Variants in EVC2 observed in about 807,000 individuals in gnomAD.
The protein encoded by EVC2 is EvC ciliary complex subunit 2.
Under a neutral mutation model 149.3 loss-of-function variants are expected in EVC2, and 148 were observed. The ratio of observed to expected loss-of-function variants is 0.99; its 90% confidence interval spans 0.87 to 1.14. The LOEUF is 1.14. EVC2 is among the 50% of genes most tolerant of loss of function. The pLI is 0.00. For missense variants in EVC2, 1,854 were observed against 1,627.3 expected, an observed-to-expected ratio of 1.14 and a Z score of -2.40; for synonymous variants, 776 against 649.9, an observed-to-expected ratio of 1.19 and a Z score of -2.95.
At position 5,666,281 on chromosome 4, in the gene EVC2, T is replaced by C. The variant is rs188806745; in HGVS notation, c.871-632A>G. ...ATCCTGATTATTGTTTATAGGTTAA[T>C]CCCAGCAACTACAAATTTTAAAAGA... is the stretch of plus-strand genomic sequence containing the variant. On this transcript the variant is annotated intron_variant, in intron 7 of 21. Coordinates refer to ENST00000344408, the MANE Select transcript of EVC2 (RefSeq NM_147127.5). Among the ~76,000 whole-genome samples the C allele has an allele frequency of 5.3e-4, 81 of 151,960 alleles. 2 individuals carry two copies. Among genetic ancestry groups the C allele is most frequent in the Admixed American group, 1.9e-3 (29 of 15,258 alleles).
intron 9 of EVC2, among the ~76,000 whole-genome samples, chr4:5,655,620 T>C: frequency 6.6e-6 from 1 of 151,826 alleles, no homozygotes; most frequent in East Asian, 1.9e-4. Context: ...AGGGACAGGG[T>C]TTGATATGGG....
rs904778433 is a variant in EVC2 at position 5,696,454 on chromosome 4, G to A, written c.283+1139C>T. Among the ~76,000 whole-genome samples, 10 of 152,150 alleles carry A rather than the reference G, an allele frequency of 6.6e-5. No homozygotes were observed. Among genetic ancestry groups the A allele is most frequent in the African/African-American group, 2.2e-4 (9 of 41,434 alleles). On this transcript the variant is annotated intron_variant, in intron 2 of 21. Coordinates refer to ENST00000344408, the MANE Select transcript of EVC2 (RefSeq NM_147127.5). This position sits in a 1 kb window ranked among gnomAD's most constrained non-coding sequence, Gnocchi z 4.1. ...AGAACCCAGACAACCCCACCCAGTGGCCCCAGGGATAGGTTCAGGGACAGG... is the reference window on the plus strand; with the variant it reads ...AGAACCCAGACAACCCCACCCAGTGACCCCAGGGATAGGTTCAGGGACAGG...
chr4:5,619,605 A>T (rs567330367), intron 14 of EVC2, among the ~76,000 whole-genome samples: 3 of 152,222 alleles, frequency 2.0e-5, no homozygotes, highest in Non-Finnish European at 4.4e-5. Context: ...TTAAGCCACC[A>T]GTTTGTGGTA....
At chr4:5,574,870 G>A (rs1722826495) in intron 18 of EVC2, 98 bp from the exon 19 acceptor site, 2 of 1,238,358 alleles carry the variant, frequency 1.6e-6, no homozygotes, top group Admixed American at 3.7e-5. Context: ...ACACATCTCA[G>A]CCATATGATT....
intron 16 of EVC2, among the ~76,000 whole-genome samples, chr4:5,585,159 T>A (rs1338547419): frequency 6.6e-6 from 1 of 152,090 alleles, no homozygotes; most frequent in South Asian, 2.1e-4. Flanking sequence ...GGATGGAAGT[T>A]CAACTCCTGA....
At chr4:5,691,735 T>C (rs984248082) in intron 3 of EVC2, among the ~76,000 whole-genome samples, 3 of 152,146 alleles carry the variant, frequency 2.0e-5, no homozygotes, top group Non-Finnish European at 2.9e-5. Flanking sequence ...CAAAGGGCAG[T>C]GTGTCTGGGG....
chr4:5,670,207 A>G lies in EVC2; in HGVS notation c.871-4558T>C, dbSNP rs1379027298. Among the ~76,000 whole-genome samples, 3 of 152,080 alleles carry G rather than the reference A, an allele frequency of 2.0e-5. No individual in the cohort carries two copies. The East Asian group carries it at 5.8e-4, about 29-fold the overall frequency. ...CATCATCACCAACATTAATATTACC[A>G]CCATGATTATCAACATCATCAATAT... On this transcript the variant is annotated intron_variant, in intron 7 of 21. Transcript: ENST00000344408. This position sits in a 1 kb window ranked among gnomAD's most constrained non-coding sequence, Gnocchi z 5.2.
intron 21 of EVC2, among the ~76,000 whole-genome samples, chr4:5,549,374 T>C (rs1313131019): frequency 6.6e-6 from 1 of 152,314 alleles, no homozygotes; most frequent in East Asian, 1.9e-4. Flanking sequence ...GAAGAACTTG[T>C]CCAGGGTCTC....
At chr4:5,590,958 C>A (rs1712741677) in intron 16 of EVC2, among the ~76,000 whole-genome samples, 1 of 152,156 alleles carries the variant, frequency 6.6e-6, no homozygotes, top group African/African-American at 2.4e-5. Flanking sequence ...ACAAAACCAT[C>A]AGATCTCATG....
intron 1 of EVC2, among the ~76,000 whole-genome samples, chr4:5,707,656 CA>C (rs1284386950): frequency 6.6e-6 from 1 of 152,026 alleles, no homozygotes; most frequent in Non-Finnish European, 1.5e-5. Context: ...TGAGGAGGGG[CA>C]GACATCCGAG....
At chr4:5,596,877 G>C (rs1713471131) in intron 16 of EVC2, among the ~76,000 whole-genome samples, 1 of 152,126 alleles carries the variant, frequency 6.6e-6, no homozygotes, top group African/African-American at 2.4e-5. Context: ...AAATGATAAA[G>C]GGGATATCAC....
the EVC2 span, among the ~76,000 whole-genome samples, chr4:5,536,273 C>T: frequency 6.6e-6 from 1 of 151,922 alleles, no homozygotes; most frequent in East Asian, 1.9e-4. Flanking sequence ...TGCCCCTCAC[C>T]CAAGAGATAT....
At chr4:5,647,172 C>T (rs531674418) in intron 9 of EVC2, among the ~76,000 whole-genome samples, 1 of 152,248 alleles carries the variant, frequency 6.6e-6, no homozygotes, top group Non-Finnish European at 1.5e-5. Context: ...AGGATACCCA[C>T]AGGGGAATAA....
the EVC2 span, among the ~76,000 whole-genome samples, chr4:5,534,303 G>A: frequency 1.1e-4 from 16 of 152,294 alleles, no homozygotes; most frequent in Middle Eastern, 3.4e-3. Flanking sequence ...CCACATCCCC[G>A]ATTCTGCAGC....
At chr4:5,598,815 A>G (rs1377093571) in intron 16 of EVC2, among the ~76,000 whole-genome samples, 1 of 152,196 alleles carries the variant, frequency 6.6e-6, no homozygotes, top group Admixed American at 6.5e-5. Flanking sequence ...TTTGCAACCT[A>G]CTCATCAGAC....
chr4:5,606,256 C>G (rs958800505), intron 16 of EVC2, among the ~76,000 whole-genome samples: 1 of 152,232 alleles, frequency 6.6e-6, no homozygotes, highest in African/African-American at 2.4e-5. Context: ...AACACCCAGC[C>G]TTTTTGAGAA....
At chr4:5,690,789 G>T (rs1577259040) in intron 4 of EVC2, among the ~76,000 whole-genome samples, 1 of 152,090 alleles carries the variant, frequency 6.6e-6, no homozygotes, top group African/African-American at 2.4e-5. Context: ...CCCTTTCTCT[G>T]TAATGAACTG....
intron 21 of EVC2, among the ~76,000 whole-genome samples, chr4:5,543,413 G>A (rs1163084920): frequency 6.6e-6 from 1 of 152,182 alleles, no homozygotes; most frequent in Non-Finnish European, 1.5e-5. Flanking sequence ...ACACAATTTT[G>A]AAGCCCAAAG....
chr4:5,640,453 G>C lies in EVC2; in HGVS notation c.1470+61C>G. 2 of 1,602,626 alleles carry C rather than the reference G, an allele frequency of 1.2e-6. No homozygotes were observed. The highest frequency in any genetic ancestry group is 1.7e-6 in the Non-Finnish European group (2 of 1,169,900). On this transcript the variant is annotated intron_variant, in intron 10 of 21. Transcript: ENST00000344408. The surrounding 1 kb of genome is among the most constrained non-coding windows in gnomAD (Gnocchi z 4.6). ...AAATGGACAGATGAGTGGGTAGATG[G>C]ATAAATGACAAATCCCTGAGAGAAA...
Sources: allele counts gnomAD v4.1 joint callset (sites outside exome capture counted in the v4.1 genomes callset), GRCh38; gene constraint gnomAD v4.1.1; non-coding constraint Gnocchi (gnomAD v3.1); transcripts MANE v1.5; gene names NCBI Gene and HGNC (gene_info 2026-07-23, HGNC 2026-07-21).